GRIN2A: variants seen among roughly 807,000 people sequenced by gnomAD.
The protein encoded by GRIN2A is glutamate ionotropic receptor NMDA type subunit 2A, also known as glutamate receptor ionotropic, NMDA 2A.
GRIN2A carries 22 observed loss-of-function variants against 113.4 expected under a neutral mutation model. That is an observed-to-expected ratio of 0.19 (90% CI 0.14 to 0.28). GRIN2A has a LOEUF of 0.28. Among genes scored for constraint, GRIN2A ranks in the 10% least tolerant of loss-of-function variants. The pLI is 1.00. For missense variants in GRIN2A, 1,502 were observed against 1,887.0 expected (o/e 0.80, Z 3.78); for synonymous variants, 827 against 738.4 (o/e 1.12, Z -1.94).
chr16:9,875,959 G>T (rs1336459842), intron 4 of GRIN2A, among the ~76,000 whole-genome samples: 1 of 152,126 alleles, frequency 6.6e-6, no homozygotes, highest in Non-Finnish European at 1.5e-5. Flanking sequence ...TACATTATAA[G>T]TTCCCTGTTG....
intron 2 of GRIN2A, among the ~76,000 whole-genome samples, chr16:10,027,916 G>A (rs1374907449): frequency 1.3e-5 from 2 of 152,102 alleles, no homozygotes; most frequent in Non-Finnish European, 2.9e-5. Context: ...CCACCCTCGA[G>A]CTGTCCCCAC....
chr16:9,909,275 C>T (rs987839514), intron 3 of GRIN2A, among the ~76,000 whole-genome samples: 4 of 152,170 alleles, frequency 2.6e-5, no homozygotes, highest in Non-Finnish European at 5.9e-5. Flanking sequence ...AATTACCTCC[C>T]ACCAGGTCCT....
intron 2 of GRIN2A, among the ~76,000 whole-genome samples, chr16:10,164,060 G>T (rs938936799): frequency 1.3e-5 from 2 of 152,216 alleles, no homozygotes; most frequent in Non-Finnish European, 2.9e-5. Flanking sequence ...AGGCAGAGCA[G>T]TTTATCTAAC....
intron 10 of GRIN2A, among the ~76,000 whole-genome samples, chr16:9,820,515 C>G (rs1431533705): frequency 6.6e-6 from 1 of 152,194 alleles, no homozygotes; most frequent in Non-Finnish European, 1.5e-5. Context: ...CAAAATAGGA[C>G]ATTACCCAAA....
At chr16:9,822,156 C>G (rs936292815) in intron 10 of GRIN2A, 108 bp downstream of exon 10, 6 of 1,179,728 alleles carry the variant, frequency 5.1e-6, no homozygotes, top group Non-Finnish European at 7.6e-6. Flanking sequence ...CACAGTCACT[C>G]TCCAGAAATA....
At chr16:9,861,070 C>T (rs2043058763) in intron 4 of GRIN2A, among the ~76,000 whole-genome samples, 1 of 152,158 alleles carries the variant, frequency 6.6e-6, no homozygotes, top group African/African-American at 2.4e-5. Flanking sequence ...TTAAAACCAA[C>T]AACAGAAGCA....
intron 2 of GRIN2A, among the ~76,000 whole-genome samples, chr16:10,095,131 T>A (rs985465897): frequency 1.3e-5 from 2 of 152,128 alleles, no homozygotes; most frequent in African/African-American, 4.8e-5. Context: ...GAAAAGGCCA[T>A]ATGAGCACAC....
At chr16:10,057,846 C>T (rs936545934) in intron 2 of GRIN2A, among the ~76,000 whole-genome samples, 4 of 152,170 alleles carry the variant, frequency 2.6e-5, no homozygotes, top group African/African-American at 7.2e-5. Flanking sequence ...TAAACAAAAG[C>T]GCAGACATCA....
intron 11 of GRIN2A, among the ~76,000 whole-genome samples, chr16:9,791,973 G>C (rs13336334): frequency 0.014 from 2,077 of 152,004 alleles, 55 homozygotes; most frequent in African/African-American, 0.048. Context: ...ATGAGAGCAG[G>C]GTTTGTGGTC....
chr16:10,037,031 A>C (rs550062022), intron 2 of GRIN2A: 1 of 152,178 alleles, frequency 6.6e-6, no homozygotes, highest in African/African-American at 2.4e-5. Flanking sequence ...AGGAGGATCC[A>C]TGCCGTGGAG....
intron 3 of GRIN2A, among the ~76,000 whole-genome samples, chr16:9,891,990 A>C (rs987436204): frequency 4.6e-5 from 7 of 152,204 alleles, no homozygotes; most frequent in African/African-American, 7.2e-5. Context: ...GCACTTTGGG[A>C]GGCTGAGGTA....
chr16:10,149,602 C>A (rs2049524765), intron 2 of GRIN2A, among the ~76,000 whole-genome samples: 1 of 152,162 alleles, frequency 6.6e-6, no homozygotes, highest in South Asian at 2.1e-4. Flanking sequence ...ACAGAGCAGT[C>A]CACTTTCCAA....
intron 4 of GRIN2A, among the ~76,000 whole-genome samples, chr16:9,856,079 A>G (rs8058978): frequency 0.075 from 11,392 of 152,230 alleles, 691 homozygotes; most frequent in Non-Finnish European, 0.11. Flanking sequence ...GAGCAGTGCT[A>G]AGGGTTTTTC....
intron 2 of GRIN2A, among the ~76,000 whole-genome samples, chr16:10,024,636 T>C (rs566973373): frequency 1.3e-5 from 2 of 152,362 alleles, no homozygotes; most frequent in South Asian, 4.1e-4. Flanking sequence ...AAGATGGGTC[T>C]GGCTTTTAGA....
chr16:10,133,379 G>A (rs13329760), intron 2 of GRIN2A, among the ~76,000 whole-genome samples: 2,625 of 152,264 alleles, frequency 0.017, 80 homozygotes, highest in African/African-American at 0.06. Context: ...AGGCCAAGGC[G>A]GGTGGATCAC....
chr16:10,110,176 C>T (rs1195612145), intron 2 of GRIN2A, among the ~76,000 whole-genome samples: 1 of 151,060 alleles, frequency 6.6e-6, no homozygotes, highest in East Asian at 1.9e-4. Flanking sequence ...TGAAGAACAA[C>T]AAGAAAGTTC....
At position 9,949,718 on chromosome 16, in the gene GRIN2A, C is replaced by T. The variant is rs549244984; in HGVS notation, c.415-11167G>A. 3.8e-4 allele frequency among the ~76,000 whole-genome samples: 56 copies of T among 146,242 alleles called. 1 individual carries two copies. Among genetic ancestry groups the T allele is most frequent in the South Asian group, 2.7e-3 (12 of 4,464 alleles). ...ATGGATGGGTGGTTGGATGGATGGA[C>T]GGACAGATAAATGGATGGATGGGTG... On this transcript the variant is annotated intron_variant, in intron 2 of 12. Transcript: ENST00000330684.
At chr16:9,978,287 A>T (rs2045816352) in intron 2 of GRIN2A, among the ~76,000 whole-genome samples, 2 of 152,194 alleles carry the variant, frequency 1.3e-5, no homozygotes, top group Non-Finnish European at 2.9e-5. Flanking sequence ...AAATGCAGTT[A>T]CAGGGACCTG....
intron 10 of GRIN2A, among the ~76,000 whole-genome samples, chr16:9,814,567 T>G (rs150000119): frequency 3.0e-4 from 46 of 152,240 alleles, no homozygotes; most frequent in Admixed American, 1.0e-3. Flanking sequence ...AACTCACATT[T>G]TGCCACATCT....
Sources: allele counts gnomAD v4.1 joint callset (sites outside exome capture counted in the v4.1 genomes callset), GRCh38; gene constraint gnomAD v4.1.1; transcripts MANE v1.5; gene names NCBI Gene and HGNC (gene_info 2026-07-23, HGNC 2026-07-21).